Variants in DACH1 observed in about 807,000 individuals in gnomAD.
DACH1 encodes the protein dachshund family transcription factor 1.
DACH1 carries 12 observed loss-of-function variants against 54.2 expected under a neutral mutation model. The observed-to-expected ratio is 0.22, with a 90% CI of 0.14 to 0.36. The LOEUF is 0.36. Ranked by LOEUF, DACH1 falls within the 10% of genes least tolerant of loss-of-function variation. The probability of loss-of-function intolerance (pLI) is 1.00; values close to 1 mark genes in which losing one functional copy is unlikely to be tolerated. For missense variants in DACH1, 805 were observed against 929.8 expected, an observed-to-expected ratio of 0.87 and a Z score of 1.75; for synonymous variants, 386 against 366.2, an observed-to-expected ratio of 1.05 and a Z score of -0.62.
chr13:71,666,595 A>T lies in DACH1; in HGVS notation c.964+15200T>A, dbSNP rs570027305. 7.2e-5 allele frequency among the ~76,000 whole-genome samples: 11 copies of T among 152,344 alleles called. 2 individuals carry two copies. Among genetic ancestry groups the T allele is most frequent in the African/African-American group, 2.6e-4 (11 of 41,576 alleles). ...AAATAAATCAGTTGAACATGTAATA[A>T]TCAGTAATGAAAAGATGACATAAAA... On this transcript the variant is annotated intron_variant, in intron 2 of 10. Transcript: ENST00000613252.
intron 6 of DACH1, among the ~76,000 whole-genome samples, chr13:71,536,348 T>C (rs1390461058): frequency 6.6e-6 from 1 of 152,070 alleles, no homozygotes; most frequent in African/African-American, 2.4e-5. Context: ...GGTTAAAGTG[T>C]TAGTCTATGG....
intron 6 of DACH1, among the ~76,000 whole-genome samples, chr13:71,537,161 T>C (rs1882859492): frequency 6.6e-6 from 1 of 152,026 alleles, no homozygotes; most frequent in South Asian, 2.1e-4. Context: ...TTCATGCCAG[T>C]TTCATCCTGC....
At chr13:71,544,839 C>T (rs995983470) in intron 6 of DACH1, among the ~76,000 whole-genome samples, 1 of 151,978 alleles carries the variant, frequency 6.6e-6, no homozygotes, top group Non-Finnish European at 1.5e-5. Flanking sequence ...CTCTGCCTTC[C>T]TCTCTGATCT....
At chr13:71,734,898 A>G (rs904891779) in intron 1 of DACH1, among the ~76,000 whole-genome samples, 1 of 143,468 alleles carries the variant, frequency 7.0e-6, no homozygotes, top group Non-Finnish European at 1.5e-5. Flanking sequence ...TATCCCATAT[A>G]CATATATGTA....
At chr13:71,487,422 T>C (rs755525645) in intron 7 of DACH1, among the ~76,000 whole-genome samples, 7 of 152,196 alleles carry the variant, frequency 4.6e-5, no homozygotes, top group Non-Finnish European at 1.0e-4. Flanking sequence ...TTTTATTTTT[T>C]CTTTTCTTCC....
At chr13:71,849,495 A>C (rs924578200) in intron 1 of DACH1, among the ~76,000 whole-genome samples, 1 of 152,242 alleles carries the variant, frequency 6.6e-6, no homozygotes, top group Non-Finnish European at 1.5e-5. Flanking sequence ...TCAGCCAGGC[A>C]GTCAATGTGA....
chr13:71,541,647 CAT>C (rs2138332515), intron 6 of DACH1, among the ~76,000 whole-genome samples: 1 of 152,018 alleles, frequency 6.6e-6, no homozygotes, highest in South Asian at 2.1e-4. Context: ...GATAATATCA[CAT>C]GAATCATTTG....
chr13:71,715,409 G>T (rs1163180200), intron 1 of DACH1, among the ~76,000 whole-genome samples: 1 of 152,062 alleles, frequency 6.6e-6, no homozygotes, highest in Non-Finnish European at 1.5e-5. Context: ...ATAAGAATGT[G>T]AACAGTGAGC....
At chr13:71,825,989 TA>T (rs1888362676) in intron 1 of DACH1, among the ~76,000 whole-genome samples, 1 of 152,082 alleles carries the variant, frequency 6.6e-6, no homozygotes, top group Non-Finnish European at 1.5e-5. Flanking sequence ...CATGTAAAGC[TA>T]AAGAGATGGA....
chr13:71,781,394 T>A (rs991654962), intron 1 of DACH1, among the ~76,000 whole-genome samples: 5 of 117,078 alleles, frequency 4.3e-5, no homozygotes, highest in African/African-American at 1.6e-4. Context: ...TTATTTATTT[T>A]TTGAGACGGA....
rs189528411 is a variant in DACH1 at position 71,727,443 on chromosome 13, T to C, written c.849-45533A>G. Among the ~76,000 whole-genome samples the C allele has an allele frequency of 1.8e-4, 27 of 152,252 alleles. No homozygotes were observed. In the East Asian group the frequency reaches 4.8e-3, roughly 27 times the overall value. On this transcript the variant is annotated intron_variant, in intron 1 of 10. Coordinates refer to ENST00000613252, the MANE Select transcript of DACH1 (RefSeq NM_080759.6). ...GTGCACATTTCTATTATTTCGCCTGTCTTCATCACCAAAATCTTCCAGTCT... is the reference window on the plus strand; with the variant it reads ...GTGCACATTTCTATTATTTCGCCTGCCTTCATCACCAAAATCTTCCAGTCT...
At chr13:71,824,379 G>T (rs1409724555) in intron 1 of DACH1, among the ~76,000 whole-genome samples, 1 of 151,946 alleles carries the variant, frequency 6.6e-6, no homozygotes, top group Non-Finnish European at 1.5e-5. Flanking sequence ...AGGAAGAGAT[G>T]GAGAGGAACT....
intron 6 of DACH1, among the ~76,000 whole-genome samples, chr13:71,521,848 C>T (rs1881624162): frequency 2.0e-5 from 3 of 152,068 alleles, no homozygotes; most frequent in Admixed American, 2.0e-4. Context: ...ACTTAAACAC[C>T]ATACTGTCCA....
rs1877335242 is a variant in DACH1 at position 71,634,592 on chromosome 13, GGCTCAGGTTCCTGA to G, written c.965-3889_965-3876del. On this transcript the variant is annotated intron_variant, in intron 2 of 10. Transcript: ENST00000613252. ...TAAATATTATGCGCTCAGAGCTGGA[GGCTCAGGTTCCTGA>G]CTCTTAACTATCTACCTAGGAAAGA... is the stretch of plus-strand genomic sequence containing the variant. Among the ~76,000 whole-genome samples, 2 of 152,118 alleles carry G rather than the reference GGCTCAGGTTCCTGA, an allele frequency of 1.3e-5. 1 individual carries two copies. Among genetic ancestry groups the G allele is most frequent in the South Asian group, 4.1e-4 (2 of 4,826 alleles).
At chr13:71,804,539 G>A (rs142804111) in intron 1 of DACH1, among the ~76,000 whole-genome samples, 132 of 152,150 alleles carry the variant, frequency 8.7e-4, no homozygotes, top group African/African-American at 3.0e-3. Context: ...TTTGCTTACC[G>A]TATTTAGGCC....
chr13:71,605,172 C>CTATG (rs1218565175), intron 3 of DACH1, among the ~76,000 whole-genome samples: 1 of 151,856 alleles, frequency 6.6e-6, no homozygotes, highest in Non-Finnish European at 1.5e-5. Context: ...ATAAAGATGA[C>CTATG]TATGCCTGTA....
At chr13:71,823,840 T>C (rs1009422176) in intron 1 of DACH1, among the ~76,000 whole-genome samples, 3 of 151,984 alleles carry the variant, frequency 2.0e-5, no homozygotes, top group Admixed American at 6.6e-5. Context: ...GTCTTGACGT[T>C]TTACTATCTG....
At chr13:71,801,433 C>A (rs533810757) in intron 1 of DACH1, among the ~76,000 whole-genome samples, 3 of 152,132 alleles carry the variant, frequency 2.0e-5, no homozygotes, top group East Asian at 1.9e-4. Context: ...GTATTTTATA[C>A]CTCTGCTCAA....
intron 10 of DACH1, among the ~76,000 whole-genome samples, chr13:71,466,072 T>C (rs1876538018): frequency 6.6e-6 from 1 of 152,210 alleles, no homozygotes; most frequent in Non-Finnish European, 1.5e-5. Flanking sequence ...TCCCCAAGTT[T>C]ATTTTGCATG....
Sources: gnomAD v4.1 joint callset for allele counts (sites outside exome capture counted in the v4.1 genomes callset) on GRCh38, gnomAD v4.1.1 for gene constraint, MANE v1.5 for transcripts, NCBI Gene and HGNC (gene_info 2026-07-23, HGNC 2026-07-21) for gene names.